Variants in MTAP observed in about 807,000 individuals in gnomAD.
The protein encoded by MTAP is methylthioadenosine phosphorylase.
MTAP carries 33 observed loss-of-function variants against 33.6 expected under a neutral mutation model. The ratio of observed to expected loss-of-function variants is 0.98; its 90% confidence interval spans 0.74 to 1.31. The LOEUF is 1.31. Among genes scored for constraint, MTAP ranks in the 40% most tolerant of loss-of-function variants. The pLI is 0.00. For missense variants in MTAP, 367 were observed against 360.0 expected (o/e 1.02, Z -0.16); for synonymous variants, 148 against 125.7 (o/e 1.18, Z -1.19).
At chr9:21,930,788 A>G in intron 1 of MTAP, 2 of 718,738 alleles carry the variant, frequency 2.8e-6, no homozygotes, top group Middle Eastern at 3.6e-4. Context: ...TAAATCAATC[A>G]GTAAAAGTAC....
At chr9:21,870,566 C>G (rs1825920927), downstream of MTAP, among the ~76,000 whole-genome samples, 1 of 151,848 alleles carries the variant, frequency 6.6e-6, no homozygotes, top group South Asian at 2.1e-4. Flanking sequence ...AATATGTGAG[C>G]CAATATGTAA....
At chr9:21,898,955 T>A (rs1475581483) in intron 1 of MTAP, among the ~76,000 whole-genome samples, 1 of 152,088 alleles carries the variant, frequency 6.6e-6, no homozygotes, top group African/African-American at 2.4e-5. Flanking sequence ...GTGGCACTAT[T>A]CACAATAGCA....
intron 1 of MTAP, among the ~76,000 whole-genome samples, chr9:21,920,388 A>C (rs1818768826): frequency 6.6e-6 from 1 of 152,160 alleles, no homozygotes; most frequent in African/African-American, 2.4e-5. Context: ...CGCTTTTTTA[A>C]CATGTTTTTT....
intron 1 of MTAP, among the ~76,000 whole-genome samples, chr9:21,886,595 C>A (rs1046023558): frequency 2.6e-5 from 4 of 151,850 alleles, no homozygotes; most frequent in Non-Finnish European, 5.9e-5. Flanking sequence ...GTCTTTGGTC[C>A]ATCTTGAGTT....
At chr9:21,847,838 T>C (rs745456787) in intron 5 of MTAP, among the ~76,000 whole-genome samples, 2 of 152,196 alleles carry the variant, frequency 1.3e-5, no homozygotes, top group Admixed American at 6.5e-5. Flanking sequence ...CAAGCTCTTA[T>C]CATGTGAGTG....
chr9:21,864,801 T>A lies in MTAP; in HGVS notation c.*2787T>A, dbSNP rs1213264916. ...TGCCCTGAGCCAGCTGCCCTGCAGG[T>A]GCCACGTGAGCCTGCTCTGGCATCC... On this transcript the variant is annotated 3_prime_UTR_variant, in exon 8 of 8. Transcript: ENST00000644715. 6 of 985,364 alleles carry A rather than the reference T, an allele frequency of 6.1e-6. No homozygotes were observed. Among genetic ancestry groups the A allele is most frequent in the Non-Finnish European group, 7.2e-6 (6 of 829,976 alleles). The allele number at this position is 985,364 out of a possible 1,614,324, so 61.0% of individuals were successfully genotyped here.
chr9:21,903,209 T>G (rs988667929), intron 1 of MTAP, among the ~76,000 whole-genome samples: 2 of 152,192 alleles, frequency 1.3e-5, no homozygotes, highest in Non-Finnish European at 2.9e-5. Flanking sequence ...CTATACTATA[T>G]TTAGACTCCA....
chr9:21,894,545 A>C (rs1818256297), intron 1 of MTAP, among the ~76,000 whole-genome samples: 1 of 146,494 alleles, frequency 6.8e-6, no homozygotes, highest in East Asian at 2.1e-4. Context: ...GGAATTGAAC[A>C]ATGAGAACAC....
chr9:21,902,435 T>C (rs145062593), intron 1 of MTAP, among the ~76,000 whole-genome samples: 7 of 152,360 alleles, frequency 4.6e-5, no homozygotes, highest in African/African-American at 1.7e-4. Context: ...TTAGCACATG[T>C]CTGTAATACT....
intron 4 of MTAP, 71 bp from the exon 5 acceptor site, chr9:21,837,837 C>A: frequency 1.6e-6 from 2 of 1,254,588 alleles, no homozygotes; most frequent in African/African-American, 1.5e-5. Flanking sequence ...AGTTGACTCA[C>A]CAGCCCTCGG....
At chr9:21,886,751 T>C (rs1256813507) in intron 1 of MTAP, among the ~76,000 whole-genome samples, 1 of 152,218 alleles carries the variant, frequency 6.6e-6, no homozygotes, top group Non-Finnish European at 1.5e-5. Context: ...GATATAAGTA[T>C]TGGACTTTAT....
chr9:21,939,322 G>C (rs1342206152), downstream of MTAP, among the ~76,000 whole-genome samples: 1 of 152,150 alleles, frequency 6.6e-6, no homozygotes, highest in Admixed American at 6.5e-5. Flanking sequence ...TGATAATAAT[G>C]ATAATTTTAT....
intron 1 of MTAP, among the ~76,000 whole-genome samples, chr9:21,912,466 G>C (rs533705024): frequency 1.6e-4 from 24 of 152,282 alleles, no homozygotes; most frequent in Non-Finnish European, 2.8e-4. Flanking sequence ...TGGGATGCAA[G>C]GCTGGTTCAA....
intron 1 of MTAP, chr9:21,930,136 G>T (rs534981192): frequency 4.6e-6 from 2 of 437,612 alleles, no homozygotes; most frequent in Non-Finnish European, 9.0e-6. Context: ...CAGCAGAATG[G>T]GTTCTAATGG....
chr9:21,876,362 C>T (rs1826008202), intron 1 of MTAP, among the ~76,000 whole-genome samples: 1 of 152,066 alleles, frequency 6.6e-6, no homozygotes, highest in African/African-American at 2.4e-5. Flanking sequence ...TGCAGAAGCT[C>T]TTAAGTTTAA....
intron 4 of MTAP, among the ~76,000 whole-genome samples, chr9:21,836,680 C>T (rs1190661891): frequency 6.6e-6 from 1 of 152,202 alleles, no homozygotes; most frequent in East Asian, 1.9e-4. Context: ...TCAACTCCAT[C>T]TGGAATTGCT....
intron 1 of MTAP, among the ~76,000 whole-genome samples, chr9:21,810,157 C>T (rs962813740): frequency 6.6e-6 from 1 of 152,158 alleles, no homozygotes; most frequent in African/African-American, 2.4e-5. Flanking sequence ...CCTCACAGCG[C>T]TGGAGGTTAG....
intron 1 of MTAP, among the ~76,000 whole-genome samples, chr9:21,888,524 G>A (rs1483789926): frequency 2.6e-5 from 4 of 151,912 alleles, no homozygotes; most frequent in Admixed American, 6.6e-5. Flanking sequence ...TATATATTTT[G>A]GATTATGATA....
chr9:21,851,771 C>A (rs148266400), intron 5 of MTAP, among the ~76,000 whole-genome samples: 290 of 152,280 alleles, frequency 1.9e-3, no homozygotes, highest in African/African-American at 6.6e-3. Flanking sequence ...TGGGTACAAT[C>A]TAATCAGCTG....
Sources: allele counts gnomAD v4.1 joint callset (sites outside exome capture counted in the v4.1 genomes callset), GRCh38; gene constraint gnomAD v4.1.1; transcripts MANE v1.5; gene names NCBI Gene and HGNC (gene_info 2026-07-23, HGNC 2026-07-21).